The following ZNF527 variants were observed in gnomAD, a reference collection of about 807,000 sequenced individuals.
ZNF527 encodes zinc finger protein 527.
In ZNF527, 5 loss-of-function variants were observed where a neutral mutation model predicts 13.5. The observed-to-expected ratio is 0.37, with a 90% CI of 0.19 to 0.78. ZNF527 has a LOEUF of 0.78. ZNF527 is among the 30% of genes least tolerant of loss of function. ZNF527 has a pLI of 0.48. For missense variants in ZNF527, 628 were observed against 726.4 expected (o/e 0.86, Z 1.56); for synonymous variants, 209 against 243.1 (o/e 0.86, Z 1.30).
intron 1 of ZNF527, among the ~76,000 whole-genome samples, chr19:37,372,012 T>C (rs2040561022): frequency 6.6e-6 from 1 of 151,232 alleles, no homozygotes; most frequent in Non-Finnish European, 1.5e-5. Context: ...TTTTTTTTTT[T>C]CTCTTGAGAT....
chr19:37,377,225 A>C (rs1320566193), intron 2 of ZNF527, among the ~76,000 whole-genome samples: 1 of 152,192 alleles, frequency 6.6e-6, no homozygotes, highest in Non-Finnish European at 1.5e-5. Flanking sequence ...TGGTAGTAAA[A>C]GGGAGAGAGG....
chr19:37,381,012 A>G (rs1289108213), intron 4 of ZNF527, among the ~76,000 whole-genome samples: 1 of 152,106 alleles, frequency 6.6e-6, no homozygotes, highest in African/African-American at 2.4e-5. Flanking sequence ...TCCAACACAT[A>G]AGGCACACAC....
chr19:37,383,515 GGT>G (rs1476494248), intron 4 of ZNF527, among the ~76,000 whole-genome samples: 1 of 151,042 alleles, frequency 6.6e-6, no homozygotes, highest in Non-Finnish European at 1.5e-5. Context: ...GGATTATACA[GGT>G]GTGAGCTACC....
chr19:37,380,075 T>C, intron 3 of ZNF527: 2 of 1,055,670 alleles, frequency 1.9e-6, no homozygotes, highest in Middle Eastern at 7.0e-4. Context: ...TGTAGCACTT[T>C]GAGAACCACT....
At chr19:37,383,211 G>C (rs2040668810) in intron 4 of ZNF527, among the ~76,000 whole-genome samples, 1 of 151,454 alleles carries the variant, frequency 6.6e-6, no homozygotes, top group East Asian at 1.9e-4. Flanking sequence ...TCCTAAAACT[G>C]TATGGGAGAA....
chr19:37,374,526 G>C (rs2040584053), intron 2 of ZNF527, among the ~76,000 whole-genome samples: 1 of 152,186 alleles, frequency 6.6e-6, no homozygotes, highest in African/African-American at 2.4e-5. Flanking sequence ...TAAATAGGGA[G>C]GTCAAGGATG....
chr19:37,372,911 T>A (rs748792681), intron 1 of ZNF527, among the ~76,000 whole-genome samples: 10 of 152,202 alleles, frequency 6.6e-5, no homozygotes, highest in Non-Finnish European at 1.3e-4. Context: ...GAAATAAAGG[T>A]AACACCTGCC....
chr19:37,375,471 C>G (rs1053277456), intron 2 of ZNF527, among the ~76,000 whole-genome samples: 2 of 151,124 alleles, frequency 1.3e-5, no homozygotes, highest in Admixed American at 6.6e-5. Context: ...AAGCGATTCT[C>G]CTGCCTCAGC....
In ZNF527 at chr19:37,389,027, G is replaced by T. The variant is rs764482510; in HGVS notation, c.978G>T (p.Gly326=). 5.4e-5 allele frequency: 87 copies of T among 1,614,162 alleles called. No homozygotes were observed. In the South Asian group the frequency reaches 9.0e-4, roughly 17 times the overall value. The part of the protein sequence containing the change: ...FLSEHQRTHI[G]EKPYECKECN... ...GTGAACATCAAAGAACTCATATTGG[G>T]GAGAAACCTTATGAATGTAAGGAAT... Residue 326 remains glycine (G), a synonymous_variant, in exon 5 of 5, where the codon GGG becomes GGT. Coordinates refer to ENST00000436120, the MANE Select transcript of ZNF527 (RefSeq NM_032453.2).
chr19:37,375,592 C>A (rs1444709435), intron 2 of ZNF527, among the ~76,000 whole-genome samples: 2 of 151,850 alleles, frequency 1.3e-5, no homozygotes, highest in Non-Finnish European at 2.9e-5. Context: ...ATCTCCTGAC[C>A]TCGTGATCTG....
At chr19:37,384,099 C>T (rs1264114660) in intron 4 of ZNF527, among the ~76,000 whole-genome samples, 2 of 151,736 alleles carry the variant, frequency 1.3e-5, no homozygotes. Flanking sequence ...GTGGGTGGAT[C>T]ACGAGGTCAA....
At chr19:37,374,488 G>A (rs2040583889) in intron 2 of ZNF527, among the ~76,000 whole-genome samples, 1 of 152,228 alleles carries the variant, frequency 6.6e-6, no homozygotes, top group African/African-American at 2.4e-5. Context: ...TGAAATAAGG[G>A]ATAGAGTTTG....
intron 2 of ZNF527, among the ~76,000 whole-genome samples, chr19:37,375,330 T>TC (rs1421364065): frequency 6.8e-5 from 10 of 147,520 alleles, no homozygotes; most frequent in Admixed American, 5.5e-4. Context: ...TTTCTTTCTT[T>TC]CTTTCTTTCC....
At chr19:37,384,147 G>A (rs533321766) in intron 4 of ZNF527, among the ~76,000 whole-genome samples, 3 of 151,826 alleles carry the variant, frequency 2.0e-5, no homozygotes, top group East Asian at 3.9e-4. Context: ...GTGCAACCCC[G>A]TCTCTACTAA....
chr19:37,390,734 C>T lies in ZNF527; in HGVS notation c.*855C>T, dbSNP rs1475012571. ...CAGCTACACCATCACCATCCTTTTTCATTTTTTGTGATCCAATAAATTTCC... is the reference window on the plus strand; with the variant it reads ...CAGCTACACCATCACCATCCTTTTTTATTTTTTGTGATCCAATAAATTTCC... On this transcript the variant is annotated 3_prime_UTR_variant, in exon 5 of 5. Transcript: ENST00000436120. 2.0e-5 allele frequency: 3 copies of T among 152,112 alleles called. No individual in the cohort carries two copies. Among genetic ancestry groups the T allele is most frequent in the Admixed American group, 2.0e-4 (3 of 15,276 alleles). 9.4% of individuals were successfully genotyped at this position (152,112 alleles called of 1,614,324 possible).
chr19:37,386,959 G>T (rs2146821704), intron 4 of ZNF527, among the ~76,000 whole-genome samples: 1 of 147,658 alleles, frequency 6.8e-6, no homozygotes, highest in Non-Finnish European at 1.5e-5. Context: ...GGCGAACAAG[G>T]CCTCTCAGGC....
At chr19:37,381,056 C>T (rs1239696890) in intron 4 of ZNF527, among the ~76,000 whole-genome samples, 1 of 152,136 alleles carries the variant, frequency 6.6e-6, no homozygotes, top group African/African-American at 2.4e-5. Context: ...CCTATCTTAT[C>T]AATGTCATCA....
At chr19:37,383,353 A>T (rs771106667) in intron 4 of ZNF527, among the ~76,000 whole-genome samples, 3 of 151,842 alleles carry the variant, frequency 2.0e-5, no homozygotes, top group Non-Finnish European at 4.4e-5. Context: ...TTCCTGCCTC[A>T]GCCTCCCGAG....
Position 37,388,907 on chromosome 19 carries a change from C to T in ZNF527, c.858C>T (p.Tyr286=). The T allele has an allele frequency of 1.2e-6, 2 of 1,614,174 alleles. No homozygotes were observed. The highest frequency in any genetic ancestry group is 1.7e-5 in the Admixed American group (1 of 60,024). The change falls in exon 5 of 5, where the codon TAC becomes TAT. Residue 286 remains tyrosine (Y), a synonymous_variant. Coordinates refer to ENST00000436120, the MANE Select transcript of ZNF527 (RefSeq NM_032453.2). ...YDECGDAFSC[Y]SFFTQPQRIH... ...AATGTGGTGATGCCTTTAGCTGTTA[C>T]TCATTCTTTACTCAACCTCAGAGAA...
Sources: gnomAD v4.1 joint callset for allele counts (sites outside exome capture counted in the v4.1 genomes callset) on GRCh38, gnomAD v4.1.1 for gene constraint, MANE v1.5 for transcripts, NCBI Gene and HGNC (gene_info 2026-07-23, HGNC 2026-07-21) for gene names.